The following LRFN2 variants were observed in gnomAD, a reference collection of about 807,000 sequenced individuals.
LRFN2 encodes the protein leucine-rich repeat and fibronectin type-III domain-containing protein 2.
In LRFN2, 18 loss-of-function variants were observed where a neutral mutation model predicts 37.3. The ratio of observed to expected loss-of-function variants is 0.48; its 90% CI spans 0.33 to 0.72. The LOEUF is 0.72. Ranked by LOEUF, LRFN2 falls within the 30% of genes least tolerant of loss-of-function variation. The pLI is 0.02. For synonymous variants in LRFN2, 556 were observed against 466.6 expected, an observed-to-expected ratio of 1.19 and a Z score of -2.47; for missense variants, 1,006 against 1,060.7, an observed-to-expected ratio of 0.95 and a Z score of 0.72.
At chr6:40,462,008 T>C (rs1286332525) in intron 1 of LRFN2, among the ~76,000 whole-genome samples, 1 of 152,206 alleles carries the variant, frequency 6.6e-6, no homozygotes, top group Non-Finnish European at 1.5e-5. Flanking sequence ...CTTAATTCTG[T>C]TACAGTATTG....
At chr6:40,550,960 A>G (rs993068681) in intron 1 of LRFN2, among the ~76,000 whole-genome samples, 1 of 152,220 alleles carries the variant, frequency 6.6e-6, no homozygotes, top group African/African-American at 2.4e-5. Context: ...ATGTGTTGGC[A>G]GCCAAAGAGG....
intron 1 of LRFN2, among the ~76,000 whole-genome samples, chr6:40,581,973 G>A (rs943950277): frequency 6.6e-6 from 1 of 152,208 alleles, no homozygotes; most frequent in Non-Finnish European, 1.5e-5. Flanking sequence ...GCCTTAACAG[G>A]AGAATGAAAA....
chr6:40,574,666 C>T (rs1335175388), intron 1 of LRFN2, among the ~76,000 whole-genome samples: 1 of 152,196 alleles, frequency 6.6e-6, no homozygotes, highest in African/African-American at 2.4e-5. Context: ...AATTGGGAGG[C>T]ACTGCAGGTA....
Position 40,557,054 on chromosome 6 carries a change from C to T in LRFN2, c.-19+29887G>A, listed in dbSNP as rs527400813. ...TCCCTTTCCCCAAGTCTGGCTCCCCCATCCCCATCTGTGTGCCTTACAGCC... is the reference window on the plus strand; with the variant it reads ...TCCCTTTCCCCAAGTCTGGCTCCCCTATCCCCATCTGTGTGCCTTACAGCC... On this transcript the variant is annotated intron_variant, in intron 1 of 2. Coordinates refer to ENST00000338305, the MANE Select transcript of LRFN2 (RefSeq NM_020737.3). 6.6e-5 allele frequency among the ~76,000 whole-genome samples: 10 copies of T among 152,316 alleles called. 1 individual carries two copies. Among genetic ancestry groups the T allele is most frequent in the Admixed American group, 2.6e-4 (4 of 15,300 alleles).
At chr6:40,475,997 G>T (rs2113860249) in intron 1 of LRFN2, among the ~76,000 whole-genome samples, 1 of 152,284 alleles carries the variant, frequency 6.6e-6, no homozygotes, top group East Asian at 1.9e-4. Flanking sequence ...TATATTAAAA[G>T]CTATATGTTA....
rs190763038 is a variant in LRFN2, at chr6:40,505,886, C to T, written c.-18-72755G>A. Reference sequence around the variant, plus strand: ...GCTGGCCAGCTAGAGATCCAAGGCACGTGGAGATGGGCAGGGGTCTGGGGC... The same window carrying T: ...GCTGGCCAGCTAGAGATCCAAGGCATGTGGAGATGGGCAGGGGTCTGGGGC... On this transcript the variant is annotated intron_variant, in intron 1 of 2. Coordinates refer to ENST00000338305, the MANE Select transcript of LRFN2 (RefSeq NM_020737.3). 2.9e-3 allele frequency among the ~76,000 whole-genome samples: 443 copies of T among 152,306 alleles called. 2 individuals carry two copies. Among genetic ancestry groups the T allele is most frequent in the Non-Finnish European group, 5.1e-3 (344 of 68,018 alleles).
At chr6:40,489,371 G>A (rs958752464) in intron 1 of LRFN2, among the ~76,000 whole-genome samples, 12 of 152,206 alleles carry the variant, frequency 7.9e-5, no homozygotes, top group Non-Finnish European at 1.6e-4. Context: ...GCGAAACTGA[G>A]GACCCAAGTG....
Position 40,495,955 on chromosome 6 carries a change from G to A in LRFN2, c.-18-62824C>T, listed in dbSNP as rs536359232. The stretch of plus-strand genomic sequence containing the variant: ...GCCACCTCCACTTGGATATCTATTG[G>A]GCACCTTGAACCCAAACAGAAAAAT... On this transcript the variant is annotated intron_variant, in intron 1 of 2. Transcript: ENST00000338305. 3.0e-4 allele frequency among the ~76,000 whole-genome samples: 46 copies of A among 151,992 alleles called. No homozygotes were observed. In the East Asian group the frequency reaches 3.3e-3, roughly 11 times the overall value.
chr6:40,428,986 A>G (rs1029964184), intron 2 of LRFN2, among the ~76,000 whole-genome samples: 10 of 152,166 alleles, frequency 6.6e-5, no homozygotes, highest in African/African-American at 2.4e-4. Flanking sequence ...TACTAGTACT[A>G]CTACTAGTAT....
chr6:40,414,873 G>A (rs993923511), intron 2 of LRFN2, among the ~76,000 whole-genome samples: 1 of 152,164 alleles, frequency 6.6e-6, no homozygotes, highest in Admixed American at 6.5e-5. Flanking sequence ...AGATGGTTCC[G>A]GACAATGTGA....
intron 1 of LRFN2, among the ~76,000 whole-genome samples, chr6:40,500,098 G>A (rs1005030729): frequency 8.5e-5 from 13 of 152,180 alleles, no homozygotes; most frequent in Non-Finnish European, 1.3e-4. Context: ...TAGCCTCCAC[G>A]ACTGCAGACA....
chr6:40,508,496 A>T (rs1364341227), intron 1 of LRFN2, among the ~76,000 whole-genome samples: 3 of 152,134 alleles, frequency 2.0e-5, no homozygotes, highest in Non-Finnish European at 4.4e-5. Flanking sequence ...GTGCCTGAAG[A>T]GGCTCTGCTC....
At chr6:40,411,649 C>T (rs533291138) in intron 2 of LRFN2, among the ~76,000 whole-genome samples, 1 of 152,202 alleles carries the variant, frequency 6.6e-6, no homozygotes, top group East Asian at 1.9e-4. Context: ...GAGGCTTTGC[C>T]CTGGCTCTTC....
At chr6:40,558,468 G>A (rs1766930899) in intron 1 of LRFN2, among the ~76,000 whole-genome samples, 3 of 152,178 alleles carry the variant, frequency 2.0e-5, no homozygotes, top group South Asian at 2.1e-4. Context: ...GCATTTGAGG[G>A]TTTGGCCACC....
At chr6:40,485,571 C>T (rs2113866305) in intron 1 of LRFN2, among the ~76,000 whole-genome samples, 1 of 152,340 alleles carries the variant, frequency 6.6e-6, no homozygotes, top group Non-Finnish European at 1.5e-5. Flanking sequence ...ACTCCTCCAA[C>T]ATCGACAGCA....
intron 1 of LRFN2, among the ~76,000 whole-genome samples, chr6:40,472,542 G>T (rs1164024982): frequency 1.3e-5 from 2 of 152,204 alleles, no homozygotes; most frequent in African/African-American, 4.8e-5. Context: ...TGGGGGGCCT[G>T]TGGGGTAACC....
At chr6:40,478,474 G>A (rs868648179) in intron 1 of LRFN2, among the ~76,000 whole-genome samples, 10 of 152,288 alleles carry the variant, frequency 6.6e-5, no homozygotes, top group Non-Finnish European at 1.3e-4. Flanking sequence ...ACACATGGGG[G>A]AAACTGAGGA....
chr6:40,490,372 C>A, intron 1 of LRFN2, among the ~76,000 whole-genome samples: 1 of 152,340 alleles, frequency 6.6e-6, no homozygotes, highest in African/African-American at 2.4e-5. Flanking sequence ...AGCAGCGAGG[C>A]TGCAGCTGCC....
At chr6:40,422,138 T>C (rs1763242241) in intron 2 of LRFN2, among the ~76,000 whole-genome samples, 1 of 152,178 alleles carries the variant, frequency 6.6e-6, no homozygotes. Flanking sequence ...TGTTTCCACA[T>C]ATGTTATCTC....
Sources: allele counts gnomAD v4.1 joint callset (sites outside exome capture counted in the v4.1 genomes callset), GRCh38; gene constraint gnomAD v4.1.1; transcripts MANE v1.5; gene names NCBI Gene and HGNC (gene_info 2026-07-23, HGNC 2026-07-21).